The following GRM5 variants were observed in gnomAD, a reference collection of about 807,000 sequenced individuals.
GRM5 encodes the protein glutamate metabotropic receptor 5, also known as metabotropic glutamate receptor 5.
In GRM5, 19 loss-of-function variants were observed where a neutral mutation model predicts 83.1. That is an observed-to-expected ratio of 0.23 (90% confidence interval 0.16 to 0.34). The LOEUF (loss-of-function observed/expected upper bound fraction) is 0.34. GRM5 is among the 10% of genes least tolerant of loss of function. GRM5 has a pLI of 1.00. For synonymous variants in GRM5, 675 were observed against 633.6 expected, an observed-to-expected ratio of 1.07 and a Z score of -0.98; for missense variants, 1,160 against 1,588.3, an observed-to-expected ratio of 0.73 and a Z score of 4.58.
At chr11:88,798,225 T>C (rs758266104) in intron 3 of GRM5, among the ~76,000 whole-genome samples, 6 of 152,232 alleles carry the variant, frequency 3.9e-5, no homozygotes, top group East Asian at 1.9e-4. Flanking sequence ...AATGTTATCA[T>C]TGGATATGAC....
At chr11:88,694,543 T>C (rs561063171) in intron 3 of GRM5, among the ~76,000 whole-genome samples, 6 of 116,892 alleles carry the variant, frequency 5.1e-5, no homozygotes, top group Non-Finnish European at 1.0e-4. Flanking sequence ...TCCATCCTTC[T>C]TAGAGAACTA....
intron 4 of GRM5, among the ~76,000 whole-genome samples, chr11:88,616,576 A>G (rs1022539476): frequency 6.6e-6 from 1 of 152,114 alleles, no homozygotes; most frequent in Non-Finnish European, 1.5e-5. Context: ...ATATATTTTG[A>G]AAGCATAGAG....
intron 2 of GRM5, among the ~76,000 whole-genome samples, chr11:88,907,613 A>G (rs549697004): frequency 2.0e-5 from 3 of 152,266 alleles, no homozygotes; most frequent in African/African-American, 7.2e-5. Flanking sequence ...AATTACATGG[A>G]ACATTTGTTT....
intron 3 of GRM5, among the ~76,000 whole-genome samples, chr11:88,832,935 C>A (rs75404772): frequency 6.6e-6 from 1 of 151,824 alleles, no homozygotes; most frequent in Admixed American, 6.6e-5. Context: ...GAAACAGGAC[C>A]CCTAACTCTC....
At chr11:88,937,098 T>C (rs1392692296) in intron 2 of GRM5, among the ~76,000 whole-genome samples, 4 of 151,650 alleles carry the variant, frequency 2.6e-5, no homozygotes, top group Non-Finnish European at 5.9e-5. Flanking sequence ...CAACTCAAAG[T>C]GATCTATAAC....
At chr11:88,843,523 C>T (rs1278488451) in intron 3 of GRM5, among the ~76,000 whole-genome samples, 9 of 152,096 alleles carry the variant, frequency 5.9e-5, no homozygotes, top group South Asian at 2.1e-4. Flanking sequence ...GCTGTACTTC[C>T]GTCTCTCTCC....
At chr11:88,880,256 T>C (rs1015378705) in intron 2 of GRM5, among the ~76,000 whole-genome samples, 12 of 151,972 alleles carry the variant, frequency 7.9e-5, no homozygotes, top group Admixed American at 7.9e-4. Flanking sequence ...AACAAAAATG[T>C]GAAGAGCAAG....
At chr11:88,993,857 A>C (rs1940080245) in intron 2 of GRM5, among the ~76,000 whole-genome samples, 1 of 152,024 alleles carries the variant, frequency 6.6e-6, no homozygotes, top group African/African-American at 2.4e-5. Context: ...GAGTACGTGG[A>C]ATGACAGGCT....
intron 2 of GRM5, among the ~76,000 whole-genome samples, chr11:89,023,379 G>A (rs374625903): frequency 6.6e-6 from 1 of 152,010 alleles, no homozygotes; most frequent in East Asian, 1.9e-4. Context: ...TTAAATCAAT[G>A]GAGTATTGCT....
intron 4 of GRM5, 99 bp from the exon 5 acceptor site, chr11:88,605,063 C>G: frequency 2.2e-6 from 2 of 917,230 alleles, no homozygotes; most frequent in Admixed American, 4.0e-5. Context: ...AGAGAATGCA[C>G]TGGAGCAATT....
chr11:88,537,210 C>T (rs1041764236), intron 8 of GRM5, among the ~76,000 whole-genome samples: 5 of 152,120 alleles, frequency 3.3e-5, no homozygotes, highest in Non-Finnish European at 7.4e-5. Context: ...GCTTTGAGCA[C>T]AATATACGCT....
chr11:88,555,768 AT>A (rs949813026), intron 8 of GRM5, among the ~76,000 whole-genome samples: 15 of 152,102 alleles, frequency 9.9e-5, no homozygotes, highest in African/African-American at 3.6e-4. Flanking sequence ...GCTTTTTTAA[AT>A]TTTTTGACTA....
intron 2 of GRM5, among the ~76,000 whole-genome samples, chr11:88,879,952 T>C (rs1435600967): frequency 6.6e-6 from 1 of 151,988 alleles, no homozygotes; most frequent in Non-Finnish European, 1.5e-5. Flanking sequence ...TATAGAGAAA[T>C]AGATGCATGT....
chr11:88,949,317 T>C (rs184245166), intron 2 of GRM5, among the ~76,000 whole-genome samples: 1 of 152,350 alleles, frequency 6.6e-6, no homozygotes, highest in Non-Finnish European at 1.5e-5. Flanking sequence ...CTTCCATCAA[T>C]AGAATCCTCA....
intron 2 of GRM5, among the ~76,000 whole-genome samples, chr11:88,920,776 C>G (rs1375502572): frequency 6.6e-6 from 1 of 152,136 alleles, no homozygotes; most frequent in Non-Finnish European, 1.5e-5. Context: ...GTTTGTTACA[C>G]AGATATACAT....
chr11:88,876,575 C>G (rs1280773278), intron 2 of GRM5, among the ~76,000 whole-genome samples: 14 of 152,100 alleles, frequency 9.2e-5, no homozygotes, highest in Admixed American at 9.2e-4. Flanking sequence ...GCTTTTGACA[C>G]ACCTTCCTCA....
intron 4 of GRM5, among the ~76,000 whole-genome samples, chr11:88,630,564 CACACACACAA>C (rs755360188): frequency 0.15 from 8,438 of 55,436 alleles, 389 homozygotes; most frequent in African/African-American, 0.28. Flanking sequence ...CACACACACA[CACACACACAA>C]ACACACACAC....
chr11:89,029,375 A>G (rs529603758), intron 2 of GRM5, among the ~76,000 whole-genome samples: 1 of 152,346 alleles, frequency 6.6e-6, no homozygotes, highest in African/African-American at 2.4e-5. Flanking sequence ...TAGTGACATA[A>G]CAAAGTCAGA....
intron 2 of GRM5, among the ~76,000 whole-genome samples, chr11:89,027,329 C>T (rs1378697849): frequency 2.0e-5 from 3 of 152,050 alleles, no homozygotes; most frequent in Non-Finnish European, 2.9e-5. Context: ...CTCTTGACCT[C>T]GTGATCCACA....
Sources: allele counts gnomAD v4.1 joint callset (sites outside exome capture counted in the v4.1 genomes callset), GRCh38; gene constraint gnomAD v4.1.1; transcripts MANE v1.5; gene names NCBI Gene and HGNC (gene_info 2026-07-23, HGNC 2026-07-21).